The following HDAC9 variants were observed in gnomAD, a reference collection of about 807,000 sequenced individuals.
The protein encoded by HDAC9 is histone deacetylase 9.
HDAC9 carries 41 observed loss-of-function variants against 139.4 expected under a neutral mutation model. The ratio of observed to expected loss-of-function variants is 0.29; its 90% confidence interval spans 0.23 to 0.38. The LOEUF is 0.38. Ranked by LOEUF, HDAC9 falls within the 10% of genes least tolerant of loss-of-function variation. The probability of loss-of-function intolerance (pLI) is 1.00; values close to 1 mark genes in which losing one functional copy is unlikely to be tolerated. For synonymous variants in HDAC9, 517 were observed against 476.2 expected (o/e 1.09, Z -1.12); for missense variants, 1,147 against 1,297.0 (o/e 0.88, Z 1.78).
At chr7:18,733,038 G>GATATACATATATACATGTGTATATACGT (rs1786470570) in intron 13 of HDAC9, among the ~76,000 whole-genome samples, 3 of 142,234 alleles carry the variant, frequency 2.1e-5, no homozygotes, top group African/African-American at 7.8e-5. Flanking sequence ...TATATATACA[G>GATATACATATATACATGTGTATATACGT]ATATACATAT....
At chr7:18,469,180 T>A (rs1355620540) in intron 1 of HDAC9, among the ~76,000 whole-genome samples, 1 of 152,216 alleles carries the variant, frequency 6.6e-6, no homozygotes, top group Non-Finnish European at 1.5e-5. Context: ...GAGCTAAGAT[T>A]TTTTTATTGT....
intron 17 of HDAC9, among the ~76,000 whole-genome samples, chr7:18,823,202 G>T (rs1795119080): frequency 6.6e-6 from 1 of 152,156 alleles, no homozygotes; most frequent in South Asian, 2.1e-4. Flanking sequence ...TCTGGTGGAA[G>T]AATGTAGACA....
chr7:18,836,039 A>G, intron 21 of HDAC9, 42 bp downstream of exon 21: 1 of 1,110,210 alleles, frequency 9.0e-7, no homozygotes, highest in Non-Finnish European at 1.3e-6. Flanking sequence ...ATTGGAAAAT[A>G]AATGTCCATT....
intron 19 of HDAC9, among the ~76,000 whole-genome samples, chr7:18,830,046 C>T (rs996947023): frequency 6.6e-6 from 1 of 152,178 alleles, no homozygotes; most frequent in Non-Finnish European, 1.5e-5. Flanking sequence ...GGATGATTCT[C>T]TGCAGGAACC....
At chr7:18,226,938 A>G (rs141158422) in intron 2 of HDAC9, among the ~76,000 whole-genome samples, 1 of 152,326 alleles carries the variant, frequency 6.6e-6, no homozygotes, top group African/African-American at 2.4e-5. Context: ...TGAGGGGACA[A>G]TCATTCTAAC....
intron 2 of HDAC9, among the ~76,000 whole-genome samples, chr7:18,556,632 G>A (rs967210745): frequency 2.6e-5 from 4 of 152,122 alleles, no homozygotes; most frequent in Admixed American, 6.5e-5. Context: ...GCAGCCAAAT[G>A]CCACATATGG....
chr7:18,479,154 G>T (rs1795350342), intron 1 of HDAC9, among the ~76,000 whole-genome samples: 2 of 151,794 alleles, frequency 1.3e-5, no homozygotes, highest in Non-Finnish European at 2.9e-5. Context: ...TATGATTTGT[G>T]TTCTTTTATG....
At chr7:18,149,631 G>A (rs528851397) in intron 1 of HDAC9, among the ~76,000 whole-genome samples, 1 of 151,652 alleles carries the variant, frequency 6.6e-6, no homozygotes, top group Non-Finnish European at 1.5e-5. Context: ...GCTCACTGCA[G>A]GCTTCGCCTC....
chr7:18,614,218 A>G (rs1837970053), intron 6 of HDAC9, among the ~76,000 whole-genome samples: 1 of 152,084 alleles, frequency 6.6e-6, no homozygotes, highest in East Asian at 1.9e-4. Context: ...CAACCTTTTC[A>G]TAGACTTCAG....
intron 6 of HDAC9, among the ~76,000 whole-genome samples, chr7:18,622,118 G>A (rs1293786242): frequency 5.3e-5 from 8 of 152,148 alleles, no homozygotes; most frequent in Non-Finnish European, 8.8e-5. Flanking sequence ...GAGAGGAGGA[G>A]ATAGCAGGAG....
chr7:18,422,265 G>C (rs1789688886), intron 1 of HDAC9, among the ~76,000 whole-genome samples: 1 of 151,980 alleles, frequency 6.6e-6, no homozygotes, highest in Non-Finnish European at 1.5e-5. Flanking sequence ...TTATTTTGTT[G>C]CTTCATTTAA....
chr7:18,640,985 G>A (rs905652832), intron 8 of HDAC9, among the ~76,000 whole-genome samples: 4 of 152,040 alleles, frequency 2.6e-5, no homozygotes, highest in Admixed American at 2.6e-4. Context: ...TTAAAGTTCA[G>A]CAGAATTGCT....
chr7:18,949,894 T>TTA (rs967674843), intron 23 of HDAC9: 2 of 151,964 alleles, frequency 1.3e-5, no homozygotes, highest in African/African-American at 4.8e-5. Context: ...TATACGTATT[T>TTA]TATATATATA....
At chr7:18,100,102 T>A (rs571367480) in intron 1 of HDAC9, among the ~76,000 whole-genome samples, 10 of 152,316 alleles carry the variant, frequency 6.6e-5, no homozygotes, top group African/African-American at 2.2e-4. Flanking sequence ...GAATTCTAGG[T>A]CAGTTTTTTT....
intron 21 of HDAC9, among the ~76,000 whole-genome samples, chr7:18,855,157 A>G (rs1797583797): frequency 6.6e-6 from 1 of 152,196 alleles, no homozygotes; most frequent in African/African-American, 2.4e-5. Context: ...ACATGTCTCT[A>G]TCACACAACC....
chr7:18,602,956 G>A (rs74486629), intron 6 of HDAC9, among the ~76,000 whole-genome samples: 3,441 of 152,068 alleles, frequency 0.023, 144 homozygotes, highest in African/African-American at 0.079. Context: ...AACAGGTTTT[G>A]CCTCATGTAT....
rs56690120 is a variant in HDAC9 at position 18,207,539 on chromosome 7, C to CTT, written c.25+45207_25+45208dup. Among the ~76,000 whole-genome samples, 26 of 53,738 alleles carry CTT rather than the reference C, an allele frequency of 4.8e-4. 3 individuals are homozygous for CTT. Among genetic ancestry groups the CTT allele is most frequent in the Admixed American group, 1.7e-3 (5 of 3,008 alleles). The allele number at this position is 53,738 out of a possible 152,430, so 35.3% of individuals were successfully genotyped here. On this transcript the variant is annotated intron_variant, in intron 2 of 12. Transcript: ENST00000417496. ...CTCTCACCTCATCTGCCCAAGGAGTCTTTTTTTTTTTTTTTTTTGATTTGA... is the reference window on the plus strand; with the variant it reads ...CTCTCACCTCATCTGCCCAAGGAGTCTTTTTTTTTTTTTTTTTTTTGATTTGA...
chr7:18,969,597 C>T (rs1234080919), intron 24 of HDAC9, among the ~76,000 whole-genome samples: 1 of 151,946 alleles, frequency 6.6e-6, no homozygotes, highest in Non-Finnish European at 1.5e-5. Flanking sequence ...TAAAAATGTA[C>T]TTCCAATATG....
At chr7:18,449,147 C>T (rs1435539565) in intron 1 of HDAC9, among the ~76,000 whole-genome samples, 1 of 152,110 alleles carries the variant, frequency 6.6e-6, no homozygotes, top group Non-Finnish European at 1.5e-5. Context: ...AATGTTTACA[C>T]TAAATGTGTT....
Sources: gnomAD v4.1 joint callset for allele counts (sites outside exome capture counted in the v4.1 genomes callset) on GRCh38, gnomAD v4.1.1 for gene constraint, MANE v1.5 for transcripts, NCBI Gene and HGNC (gene_info 2026-07-23, HGNC 2026-07-21) for gene names.